RYR2: variants seen among roughly 807,000 people sequenced by gnomAD.
RYR2 encodes ryanodine receptor 2.
RYR2 carries 227 observed loss-of-function variants against 601.1 expected under a neutral mutation model. The observed-to-expected ratio is 0.38, with a 90% confidence interval of 0.34 to 0.42. The LOEUF (loss-of-function observed/expected upper bound fraction) is 0.42. Among genes scored for constraint, RYR2 ranks in the 10% least tolerant of loss-of-function variants. The pLI, the probability that RYR2 is intolerant of heterozygous loss-of-function variation, is 1.00. For missense variants in RYR2, 4,646 were observed against 6,156.5 expected (o/e 0.75, Z 8.21); for synonymous variants, 2,223 against 2,175.1 (o/e 1.02, Z -0.61).
At chr1:237,257,845 G>A (rs1252883257) in intron 1 of RYR2, among the ~76,000 whole-genome samples, 3 of 152,138 alleles carry the variant, frequency 2.0e-5, no homozygotes, top group African/African-American at 7.2e-5. Context: ...TCTGGAGGAA[G>A]AACAAGCAAA....
At chr1:237,350,828 A>G (rs186670111) in intron 3 of RYR2, among the ~76,000 whole-genome samples, 4 of 151,770 alleles carry the variant, frequency 2.6e-5, no homozygotes, top group Admixed American at 1.3e-4. Context: ...TCAACAATCA[A>G]TGTATAAGAC....
At chr1:237,736,572 C>G (rs961078387) in intron 79 of RYR2, among the ~76,000 whole-genome samples, 1 of 152,062 alleles carries the variant, frequency 6.6e-6, no homozygotes, top group Admixed American at 6.6e-5. Flanking sequence ...TGCTCGCTCT[C>G]TCTCTGAAGA....
At chr1:237,342,541 C>A (rs1697915596) in intron 3 of RYR2, among the ~76,000 whole-genome samples, 1 of 152,046 alleles carries the variant, frequency 6.6e-6, no homozygotes, top group Non-Finnish European at 1.5e-5. Context: ...GAGAGAAGGG[C>A]AAAGACCAGC....
intron 16 of RYR2, among the ~76,000 whole-genome samples, chr1:237,462,282 A>C (rs2150259095): frequency 6.6e-6 from 1 of 152,302 alleles, no homozygotes; most frequent in African/African-American, 2.4e-5. Flanking sequence ...CACAGAGAGA[A>C]AACCAAGAAG....
chr1:237,808,207 T>C (rs1184850348), intron 99 of RYR2, among the ~76,000 whole-genome samples: 1 of 152,208 alleles, frequency 6.6e-6, no homozygotes, highest in Non-Finnish European at 1.5e-5. Flanking sequence ...AAAATATTTA[T>C]ATTATACCTT....
intron 1 of RYR2, among the ~76,000 whole-genome samples, chr1:237,251,122 T>C (rs1687423120): frequency 6.6e-6 from 1 of 152,108 alleles, no homozygotes; most frequent in Non-Finnish European, 1.5e-5. Context: ...GAGTTTTGTC[T>C]GTTTCGATCT....
At chr1:237,778,538 A>G in intron 87 of RYR2, 128 bp from the exon 88 acceptor site, 1 of 466,836 alleles carries the variant, frequency 2.1e-6, no homozygotes, top group East Asian at 3.1e-5. Context: ...TTGAGTTCCT[A>G]TCTTTTCAGA....
Position 237,106,512 on chromosome 1 carries a change from G to A in RYR2, c.48+63943G>A, listed in dbSNP as rs1668701550. Among the ~76,000 whole-genome samples, 1 of 152,200 alleles carries A rather than the reference G, an allele frequency of 6.6e-6. No homozygotes were observed. The highest frequency in any genetic ancestry group is 1.5e-5 in the Non-Finnish European group (1 of 68,042). ...AAGATGGAGCGGTCCTGGAAAGAGT[G>A]AAGATCAAGAGTTTCATTCTGGAAA... On this transcript the variant is annotated intron_variant, in intron 1 of 104. Transcript: ENST00000366574. The surrounding 1 kb of genome is among the most constrained non-coding windows in gnomAD (Gnocchi z 4.4).
chr1:237,687,889 G>T (rs1686574692), intron 63 of RYR2, among the ~76,000 whole-genome samples: 1 of 152,052 alleles, frequency 6.6e-6, no homozygotes, highest in African/African-American at 2.4e-5. Context: ...ATTTTAAACT[G>T]CACTTATTTT....
chr1:237,795,919 CGCGT>C (rs1558434440), intron 96 of RYR2, among the ~76,000 whole-genome samples: 2 of 144,782 alleles, frequency 1.4e-5, no homozygotes, highest in Admixed American at 6.9e-5. Context: ...CACATATGCA[CGCGT>C]ATGTGTGTAC....
Position 237,366,970 on chromosome 1 carries a change from GA to G in RYR2, c.310-2556del, listed in dbSNP as rs549726083. 8.6e-5 allele frequency among the ~76,000 whole-genome samples: 13 copies of G among 151,760 alleles called. No homozygotes were observed. The East Asian group carries it at 2.1e-3, about 25-fold the overall frequency. ...GCCACAATAAATCAAATGCATTATA[GA>G]AAAAAAAGTGCTCTCTAAAGACAGC... is the stretch of plus-strand genomic sequence containing the variant. On this transcript the variant is annotated intron_variant, in intron 5 of 104. Coordinates refer to ENST00000366574, the MANE Select transcript of RYR2 (RefSeq NM_001035.3).
intron 1 of RYR2, among the ~76,000 whole-genome samples, chr1:237,213,639 C>G (rs542667042): frequency 1.3e-5 from 2 of 152,046 alleles, no homozygotes; most frequent in South Asian, 4.2e-4. Context: ...GATTATTTAC[C>G]CTTAGTGAAT....
In RYR2 at chr1:237,784,973, G is replaced by GTAAT. The variant is rs1553323690; in HGVS notation, c.13260+3_13260+6dup. ...GCCTGAGGTGCAGGAAAAATTTCAG[G>GTAAT]TAATTTATCTCTAAGTCACAGCAGC... On this transcript the variant is annotated splice_donor_variant, in intron 90 of 104. Transcript: ENST00000366574. LOFTEE classifies it high-confidence loss of function. This position sits in a 1 kb window ranked among gnomAD's most constrained non-coding sequence, Gnocchi z 7.1. 6 of 1,569,734 alleles carry GTAAT rather than the reference G, an allele frequency of 3.8e-6. No homozygotes were observed. Among genetic ancestry groups the GTAAT allele is most frequent in the Non-Finnish European group, 5.2e-6 (6 of 1,156,106 alleles).
At chr1:237,785,127 G>A (rs1281705380) in intron 90 of RYR2, 155 bp downstream of exon 90, 1 of 654,822 alleles carries the variant, frequency 1.5e-6, no homozygotes, top group Non-Finnish European at 2.7e-6. Flanking sequence ...CAAAGTTAGT[G>A]TTTTTAAGAG....
At chr1:237,829,634 A>G (rs947282684) in intron 102 of RYR2, among the ~76,000 whole-genome samples, 2 of 152,188 alleles carry the variant, frequency 1.3e-5, no homozygotes, top group Non-Finnish European at 2.9e-5. Context: ...CAGTTGCTCA[A>G]TGTGACCTAT....
intron 29 of RYR2, among the ~76,000 whole-genome samples, chr1:237,581,014 A>G (rs571773029): frequency 6.6e-6 from 1 of 152,290 alleles, no homozygotes; most frequent in Admixed American, 6.5e-5. Flanking sequence ...GCTGACCAAT[A>G]CACCACCCCT....
intron 84 of RYR2, among the ~76,000 whole-genome samples, chr1:237,769,657 A>AATT (rs1191612357): frequency 6.6e-6 from 1 of 152,066 alleles, no homozygotes; most frequent in Non-Finnish European, 1.5e-5. Flanking sequence ...GATCATTCAT[A>AATT]ATTTCACTTA....
chr1:237,362,918 A>G (rs1339631992), intron 4 of RYR2, among the ~76,000 whole-genome samples: 1 of 152,154 alleles, frequency 6.6e-6, no homozygotes, highest in East Asian at 1.9e-4. Flanking sequence ...TTCTTCCTAC[A>G]GTCAGACATG....
At chr1:237,242,217 TG>T (rs1686269335) in intron 1 of RYR2, among the ~76,000 whole-genome samples, 1 of 151,758 alleles carries the variant, frequency 6.6e-6, no homozygotes, top group Non-Finnish European at 1.5e-5. Flanking sequence ...TTTGTTTGTT[TG>T]TTTGTTTGCC....
Sources: gnomAD v4.1 joint callset for allele counts (sites outside exome capture counted in the v4.1 genomes callset) on GRCh38, gnomAD v4.1.1 for gene constraint, Gnocchi (gnomAD v3.1) non-coding constraint, MANE v1.5 for transcripts, NCBI Gene and HGNC (gene_info 2026-07-23, HGNC 2026-07-21) for gene names.